FBXL17: variants seen among roughly 807,000 people sequenced by gnomAD.
The protein encoded by FBXL17 is F-box/LRR-repeat protein 17.
FBXL17 carries 22 observed loss-of-function variants against 66.2 expected under a neutral mutation model. That is an observed-to-expected ratio of 0.33 (90% CI 0.24 to 0.47). The LOEUF (loss-of-function observed/expected upper bound fraction) is 0.47, where lower values mean the gene tolerates loss of function less well. FBXL17 is among the 20% of genes least tolerant of loss of function. The pLI, the probability that FBXL17 is intolerant of heterozygous loss-of-function variation, is 1.00. For synonymous variants in FBXL17, 474 were observed against 400.5 expected (o/e 1.18, Z -2.19); for missense variants, 878 against 948.2 (o/e 0.93, Z 0.97).
chr5:108,264,464 A>C (rs1283313460), intron 4 of FBXL17, among the ~76,000 whole-genome samples: 1 of 152,102 alleles, frequency 6.6e-6, no homozygotes, highest in African/African-American at 2.4e-5. Flanking sequence ...AAAATAGTCA[A>C]CTTTATAAAT....
rs532435326 is a variant in FBXL17, at chr5:107,912,780, T to C, written c.1823-31601A>G. Among the ~76,000 whole-genome samples the C allele has an allele frequency of 1.4e-3, 219 of 152,244 alleles. 3 individuals carry two copies. The highest frequency in any genetic ancestry group is 4.0e-3 in the Admixed American group (61 of 15,288). Reference sequence around the variant, plus strand: ...CATCATACAGGTTTTTACGGGACAATGTATTCATATATTATCAGTGCAATT... The same window carrying C: ...CATCATACAGGTTTTTACGGGACAACGTATTCATATATTATCAGTGCAATT... On this transcript the variant is annotated intron_variant, in intron 7 of 8. Coordinates refer to ENST00000542267, the MANE Select transcript of FBXL17 (RefSeq NM_001163315.3).
chr5:108,338,458 T>A (rs1746657919), intron 4 of FBXL17, among the ~76,000 whole-genome samples: 1 of 152,116 alleles, frequency 6.6e-6, no homozygotes, highest in African/African-American at 2.4e-5. Context: ...TATGCTCCAA[T>A]CAAAAATAGC....
chr5:108,113,679 C>T (rs1368173408), intron 6 of FBXL17, among the ~76,000 whole-genome samples: 3 of 152,104 alleles, frequency 2.0e-5, no homozygotes, highest in Non-Finnish European at 4.4e-5. Context: ...ACACTCCTCA[C>T]ATTAAAAATG....
chr5:107,926,112 C>G (rs956032165), intron 7 of FBXL17, among the ~76,000 whole-genome samples: 1 of 152,148 alleles, frequency 6.6e-6, no homozygotes, highest in Non-Finnish European at 1.5e-5. Context: ...TTATTTAGTT[C>G]ATTGCTAAGC....
intron 4 of FBXL17, among the ~76,000 whole-genome samples, chr5:108,289,368 G>T (rs1301682506): frequency 6.6e-6 from 1 of 151,996 alleles, no homozygotes. Context: ...TCTAATATTT[G>T]GTGTTAAAGG....
At chr5:107,919,631 T>C (rs1246422383) in intron 7 of FBXL17, among the ~76,000 whole-genome samples, 1 of 152,122 alleles carries the variant, frequency 6.6e-6, no homozygotes, top group Admixed American at 6.6e-5. Flanking sequence ...AAATGAATCA[T>C]CCTCCTGTCC....
At chr5:108,162,571 T>G (rs1359873380) in intron 6 of FBXL17, among the ~76,000 whole-genome samples, 1 of 152,242 alleles carries the variant, frequency 6.6e-6, no homozygotes, top group East Asian at 1.9e-4. Context: ...ATATTCATTC[T>G]TGAACTGCAC....
At position 108,009,294 on chromosome 5, in the gene FBXL17, T is replaced by TAGATAGTTAGATAGATAGATAGATAG. The variant is rs1451083581; in HGVS notation, c.1822+11630_1822+11631insCTATCTATCTATCTATCTAACTATCT. On this transcript the variant is annotated intron_variant, in intron 7 of 8. Transcript: ENST00000542267. ...ATATATATATATATATATATATATA[T>TAGATAGTTAGATAGATAGATAGATAG]ATATATACATATATACATACACATA... Among the ~76,000 whole-genome samples, 2 of 68,508 alleles carry TAGATAGTTAGATAGATAGATAGATAG rather than the reference T, an allele frequency of 2.9e-5. 1 individual carries two copies. Among genetic ancestry groups the TAGATAGTTAGATAGATAGATAGATAG allele is most frequent in the Non-Finnish European group, 5.3e-5 (2 of 37,858 alleles). The allele number at this position is 68,508 out of a possible 152,430, so 44.9% of individuals were successfully genotyped here. A position where few individuals can be genotyped will look rare whatever the true frequency, so the allele number is the denominator to read the frequency against.
intron 4 of FBXL17, among the ~76,000 whole-genome samples, chr5:108,263,251 A>G (rs1405890254): frequency 1.3e-5 from 2 of 152,218 alleles, no homozygotes; most frequent in African/African-American, 4.8e-5. Context: ...ACACGACTCA[A>G]ACACAGTTGT....
At chr5:108,327,322 A>T (rs963770962) in intron 4 of FBXL17, among the ~76,000 whole-genome samples, 3 of 152,170 alleles carry the variant, frequency 2.0e-5, no homozygotes, top group African/African-American at 7.2e-5. Context: ...ACTCAACCCT[A>T]AAGCCTGAAC....
chr5:108,221,037 T>C (rs550883316), intron 5 of FBXL17, among the ~76,000 whole-genome samples: 39 of 152,344 alleles, frequency 2.6e-4, no homozygotes, highest in African/African-American at 9.1e-4. Flanking sequence ...CTTATCAACC[T>C]GTGTGCATTC....
At chr5:108,080,515 T>C (rs286785) in intron 6 of FBXL17, among the ~76,000 whole-genome samples, 3,292 of 152,300 alleles carry the variant, frequency 0.022, 121 homozygotes, top group African/African-American at 0.075. Flanking sequence ...TGAAGGAATA[T>C]ATTTTGAGCC....
intron 4 of FBXL17, among the ~76,000 whole-genome samples, chr5:108,324,801 TAGA>T (rs1759775239): frequency 6.6e-6 from 1 of 152,004 alleles, no homozygotes; most frequent in Non-Finnish European, 1.5e-5. Flanking sequence ...ACTCAGCCTA[TAGA>T]AGGAGGAAAA....
chr5:108,292,651 C>G (rs1758162483), intron 4 of FBXL17, among the ~76,000 whole-genome samples: 1 of 152,148 alleles, frequency 6.6e-6, no homozygotes, highest in African/African-American at 2.4e-5. Context: ...AAGACTTAAG[C>G]AATGCTCGAA....
intron 6 of FBXL17, among the ~76,000 whole-genome samples, chr5:108,157,783 C>A (rs1752050742): frequency 6.6e-6 from 1 of 151,734 alleles, no homozygotes; most frequent in South Asian, 2.1e-4. Flanking sequence ...AAATGTAACC[C>A]AGTTTAGCTT....
chr5:108,020,658 T>A, intron 7 of FBXL17: 1 of 256,036 alleles, frequency 3.9e-6, no homozygotes, highest in Non-Finnish European at 7.4e-6. Flanking sequence ...TAGCTATACT[T>A]TTTAATTTTG....
At chr5:108,215,752 T>C (rs1754572891) in intron 5 of FBXL17, among the ~76,000 whole-genome samples, 1 of 152,212 alleles carries the variant, frequency 6.6e-6, no homozygotes, top group South Asian at 2.1e-4. Flanking sequence ...GCTTTTGGTG[T>C]CATATCTAAG....
intron 6 of FBXL17, among the ~76,000 whole-genome samples, chr5:108,034,642 T>C (rs1356162017): frequency 6.6e-6 from 1 of 152,176 alleles, no homozygotes; most frequent in Non-Finnish European, 1.5e-5. Context: ...AAATCTTCAC[T>C]GAAACATGCT....
intron 7 of FBXL17, among the ~76,000 whole-genome samples, chr5:107,920,928 T>C (rs1280786420): frequency 6.6e-6 from 1 of 152,168 alleles, no homozygotes; most frequent in Admixed American, 6.5e-5. Flanking sequence ...GTTGCTCATG[T>C]CAGGACCATG....
Sources: gnomAD v4.1 joint callset for allele counts (sites outside exome capture counted in the v4.1 genomes callset) on GRCh38, gnomAD v4.1.1 for gene constraint, MANE v1.5 for transcripts, NCBI Gene and HGNC (gene_info 2026-07-23, HGNC 2026-07-21) for gene names.